The following XKR9 variants were observed in gnomAD, a reference collection of about 807,000 sequenced individuals.
The protein encoded by XKR9 is XK-related protein 9.
In XKR9, 32 loss-of-function variants were observed where a neutral mutation model predicts 32.0. That is an observed-to-expected ratio of 1.00 (90% CI 0.76 to 1.34). The LOEUF is 1.34. XKR9 is among the 40% of genes most tolerant of loss of function. The pLI, the probability that XKR9 is intolerant of heterozygous loss-of-function variation, is 0.00. For synonymous variants in XKR9, 168 were observed against 143.4 expected (o/e 1.17, Z -1.22); for missense variants, 546 against 429.7 (o/e 1.27, Z -2.39).
chr8:71,033,426 GAATTATT>G, the XKR9 span, among the ~76,000 whole-genome samples: 1 of 152,118 alleles, frequency 6.6e-6, no homozygotes, highest in Non-Finnish European at 1.5e-5. Flanking sequence ...AATACTCTAG[GAATTATT>G]AATAGTAGTG....
the XKR9 span, among the ~76,000 whole-genome samples, chr8:70,915,023 G>T: frequency 6.6e-6 from 1 of 152,040 alleles, no homozygotes; most frequent in East Asian, 1.9e-4. Flanking sequence ...TGAGCAGGGG[G>T]CTAGGGAATG....
chr8:70,728,612 T>G (rs1208660567), intron 4 of XKR9, among the ~76,000 whole-genome samples: 1 of 152,182 alleles, frequency 6.6e-6, no homozygotes, highest in Non-Finnish European at 1.5e-5. Context: ...TAGGATTTTG[T>G]CCAAACTGCA....
the XKR9 span, among the ~76,000 whole-genome samples, chr8:71,047,323 C>T: frequency 9.9e-5 from 15 of 152,232 alleles, no homozygotes; most frequent in Non-Finnish European, 1.3e-4. Flanking sequence ...AAGACCATCA[C>T]TTATTCCTTA....
At chr8:70,699,393 C>T (rs1265048547) in intron 3 of XKR9, among the ~76,000 whole-genome samples, 2 of 151,994 alleles carry the variant, frequency 1.3e-5, no homozygotes, top group Non-Finnish European at 2.9e-5. Flanking sequence ...GACAAAATCT[C>T]TCAGCATTTG....
chr8:70,846,792 G>A, the XKR9 span, among the ~76,000 whole-genome samples: 1 of 151,876 alleles, frequency 6.6e-6, no homozygotes, highest in Non-Finnish European at 1.5e-5. Context: ...AAGGACATCA[G>A]AAAATAAATT....
chr8:70,802,702 G>C, the XKR9 span, among the ~76,000 whole-genome samples: 1 of 152,184 alleles, frequency 6.6e-6, no homozygotes, highest in African/African-American at 2.4e-5. Flanking sequence ...GCATTTGCTT[G>C]TCTGAAAAGG....
At chr8:70,901,198 G>C in the XKR9 span, among the ~76,000 whole-genome samples, 1 of 152,116 alleles carries the variant, frequency 6.6e-6, no homozygotes, top group Non-Finnish European at 1.5e-5. Context: ...TGGGTCAAAT[G>C]GTATTTCTAG....
At chr8:70,899,312 C>A in the XKR9 span, among the ~76,000 whole-genome samples, 1 of 152,020 alleles carries the variant, frequency 6.6e-6, no homozygotes, top group Non-Finnish European at 1.5e-5. Flanking sequence ...TATTTCTGCA[C>A]CAGTGTCTTT....
At chr8:71,056,609 A>C in the XKR9 span, among the ~76,000 whole-genome samples, 2 of 152,122 alleles carry the variant, frequency 1.3e-5, no homozygotes, top group African/African-American at 4.8e-5. Context: ...TCTCACCCTA[A>C]TGCCTGCTAG....
chr8:70,867,700 C>T, the XKR9 span, among the ~76,000 whole-genome samples: 4 of 152,298 alleles, frequency 2.6e-5, no homozygotes, highest in East Asian at 5.8e-4. Flanking sequence ...GATCCACCCA[C>T]CTTGGCCTTC....
the XKR9 span, among the ~76,000 whole-genome samples, chr8:70,858,728 CA>C: frequency 1.3e-5 from 2 of 151,908 alleles, no homozygotes; most frequent in Non-Finnish European, 2.9e-5. Context: ...TGATTTTTGA[CA>C]AAGGTATCAA....
chr8:70,802,829 G>A, the XKR9 span, among the ~76,000 whole-genome samples: 1 of 152,226 alleles, frequency 6.6e-6, no homozygotes, highest in African/African-American at 2.4e-5. Context: ...TCTGCTGTTA[G>A]CCTGATGGGC....
chr8:70,893,649 A>T, the XKR9 span, among the ~76,000 whole-genome samples: 3 of 152,142 alleles, frequency 2.0e-5, no homozygotes, highest in Admixed American at 6.6e-5. Flanking sequence ...TTAGTGGTCT[A>T]GGCTGTAGAA....
At chr8:70,877,985 AAG>A in the XKR9 span, among the ~76,000 whole-genome samples, 3 of 152,216 alleles carry the variant, frequency 2.0e-5, no homozygotes, top group Non-Finnish European at 4.4e-5. Flanking sequence ...TATAAGCCAG[AAG>A]AGAGTGGGGG....
intron 4 of XKR9, among the ~76,000 whole-genome samples, chr8:70,710,365 C>G (rs1805870791): frequency 6.6e-6 from 1 of 152,140 alleles, no homozygotes; most frequent in Non-Finnish European, 1.5e-5. Flanking sequence ...AAATACCATT[C>G]TGGACATAGG....
the XKR9 span, among the ~76,000 whole-genome samples, chr8:70,961,542 A>G: frequency 8.5e-5 from 13 of 152,322 alleles, no homozygotes; most frequent in African/African-American, 3.1e-4. Flanking sequence ...TGCCTGAAAT[A>G]TATTTTCTTT....
the XKR9 span, among the ~76,000 whole-genome samples, chr8:70,956,051 G>T: frequency 6.6e-6 from 1 of 152,138 alleles, no homozygotes; most frequent in Non-Finnish European, 1.5e-5. Flanking sequence ...CTCCCCAAAG[G>T]GTCGCAGCTC....
At chr8:70,777,286 T>C (rs554059880) in intron 2 of XKR9, among the ~76,000 whole-genome samples, 114 of 152,244 alleles carry the variant, frequency 7.5e-4, no homozygotes, top group African/African-American at 2.6e-3. Flanking sequence ...AGACATGAAC[T>C]CATCCTTTTT....
the XKR9 span, among the ~76,000 whole-genome samples, chr8:70,803,659 G>C: frequency 7.2e-5 from 11 of 152,274 alleles, no homozygotes; most frequent in African/African-American, 2.6e-4. Flanking sequence ...GTATAAAGTG[G>C]CCTCAGTCAA....
Sources: gnomAD v4.1 joint callset for allele counts (sites outside exome capture counted in the v4.1 genomes callset) on GRCh38, gnomAD v4.1.1 for gene constraint, MANE v1.5 for transcripts, NCBI Gene and HGNC (gene_info 2026-07-23, HGNC 2026-07-21) for gene names.